Variants in FER observed in about 807,000 individuals in gnomAD.
FER encodes FER tyrosine kinase.
Under a neutral mutation model 111.0 loss-of-function variants are expected in FER, and 63 were observed. The observed-to-expected ratio is 0.57, with a 90% CI of 0.46 to 0.70. The LOEUF is 0.70. Ranked by LOEUF, FER falls within the 30% of genes least tolerant of loss-of-function variation. The pLI is 0.00. For missense variants in FER, 914 were observed against 954.0 expected (o/e 0.96, Z 0.55); for synonymous variants, 327 against 313.9 (o/e 1.04, Z -0.44).
At chr5:109,105,951 T>C (rs1748865210) in intron 17 of FER, among the ~76,000 whole-genome samples, 1 of 152,216 alleles carries the variant, frequency 6.6e-6, no homozygotes, top group Non-Finnish European at 1.5e-5. Flanking sequence ...AGCGGTACTA[T>C]TGTTTAAGCC....
At chr5:109,033,312 A>G (rs1334050277) in intron 13 of FER, among the ~76,000 whole-genome samples, 5 of 152,162 alleles carry the variant, frequency 3.3e-5, no homozygotes, top group Admixed American at 6.6e-5. Context: ...AATATGTAGT[A>G]TAATCACTTT....
rs576022511 is a variant in FER, at chr5:108,817,515, A to T, written c.208-15255A>T. On this transcript the variant is annotated intron_variant, in intron 3 of 19. Transcript: ENST00000281092. ...AAAAAGAAAGCAAACAAGTAGTTGG[A>T]GGTGTAGTCTGCAGTGAAAAGCTAT... is the stretch of plus-strand genomic sequence containing the variant. 1.1e-4 allele frequency among the ~76,000 whole-genome samples: 16 copies of T among 152,352 alleles called. No individual in the cohort carries two copies. The South Asian group carries it at 3.3e-3, about 32-fold the overall frequency.
chr5:109,000,754 T>A lies in FER; in HGVS notation c.1657-36668T>A, dbSNP rs1764660535. On this transcript the variant is annotated intron_variant, in intron 13 of 19. Coordinates refer to ENST00000281092, the MANE Select transcript of FER (RefSeq NM_005246.4). ...AAGATCAACAAAATTGATAGACCGC[T>A]AGCAAGACTAATAAAGAAGAAAAGA... Among the ~76,000 whole-genome samples, 5 of 151,564 alleles carry A rather than the reference T, an allele frequency of 3.3e-5. No homozygotes were observed. The South Asian group carries it at 1.0e-3, about 32-fold the overall frequency.
chr5:108,787,291 C>T (rs1754846222), intron 2 of FER, among the ~76,000 whole-genome samples: 2 of 152,168 alleles, frequency 1.3e-5, no homozygotes, highest in Non-Finnish European at 2.9e-5. Context: ...ATCGTCCCCT[C>T]TGGACTTTGG....
intron 5 of FER, among the ~76,000 whole-genome samples, chr5:108,845,007 T>TAC (rs1761773749): frequency 1.4e-4 from 4 of 28,168 alleles, no homozygotes; most frequent in South Asian, 1.2e-3. Flanking sequence ...TATATATATA[T>TAC]ATATATATAT....
intron 11 of FER, among the ~76,000 whole-genome samples, chr5:108,949,539 A>G (rs1220715004): frequency 6.6e-6 from 1 of 152,074 alleles, no homozygotes; most frequent in Admixed American, 6.6e-5. Flanking sequence ...ACTTATTGAG[A>G]TTGATATTCC....
intron 3 of FER, among the ~76,000 whole-genome samples, chr5:108,801,501 T>C (rs1034398702): frequency 6.6e-6 from 1 of 152,244 alleles, no homozygotes; most frequent in Non-Finnish European, 1.5e-5. Flanking sequence ...TGGATAGTAC[T>C]GAACGTCCAT....
At chr5:108,843,115 T>A (rs572968266) in intron 5 of FER, 1 of 152,376 alleles carries the variant, frequency 6.6e-6, no homozygotes, top group South Asian at 2.1e-4. Flanking sequence ...ATTATTCTTA[T>A]GCCTTTGCAT....
chr5:109,123,220 A>G (rs1318383445), intron 17 of FER, among the ~76,000 whole-genome samples: 12 of 146,174 alleles, frequency 8.2e-5, no homozygotes, highest in Non-Finnish European at 1.6e-4. Context: ...CAGTGGTGCA[A>G]TCTCGGCTCA....
At chr5:108,911,919 C>T (rs1751603074) in intron 10 of FER, among the ~76,000 whole-genome samples, 1 of 152,038 alleles carries the variant, frequency 6.6e-6, no homozygotes, top group South Asian at 2.1e-4. Flanking sequence ...CCCACAATTC[C>T]CACGTGTTGT....
At chr5:109,134,835 C>G (rs1752722325) in intron 17 of FER, among the ~76,000 whole-genome samples, 2 of 152,184 alleles carry the variant, frequency 1.3e-5, no homozygotes, top group South Asian at 4.1e-4. Flanking sequence ...GAATGATTCA[C>G]TCTGCCTAGG....
intron 5 of FER, among the ~76,000 whole-genome samples, chr5:108,836,156 A>G (rs1174970162): frequency 6.6e-6 from 1 of 152,094 alleles, no homozygotes; most frequent in Non-Finnish European, 1.5e-5. Context: ...GAAACTTTTA[A>G]AATCTTCTTT....
At chr5:108,970,382 A>G (rs1397035990) in intron 13 of FER, among the ~76,000 whole-genome samples, 2 of 147,938 alleles carry the variant, frequency 1.4e-5, no homozygotes, top group African/African-American at 5.0e-5. Context: ...TGCCTGGCTA[A>G]TTTTTTTTTT....
chr5:108,874,976 G>A lies in FER; in HGVS notation c.923+2764G>A, dbSNP rs1048179358. The stretch of plus-strand genomic sequence containing the variant: ...GTGTATAATTTGGCAAATTATATTT[G>A]TGAAACTGGACAGATAACTTATCCC... On this transcript the variant is annotated intron_variant, in intron 8 of 19. Transcript: ENST00000281092. Among the ~76,000 whole-genome samples the A allele has an allele frequency of 4.0e-5, 6 of 151,688 alleles. No homozygotes were observed. In the East Asian group the frequency reaches 9.6e-4, roughly 24 times the overall value.
Position 108,954,767 on chromosome 5 carries a change from A to C in FER, c.1368A>C (p.Ala456=). ...TCTCCATCAGTGAGAAGCCTTTGGC[A>C]GAACAGGACTGGTACCATGGTGCAA... ...DMISISEKPL[A]EQDWYHGAIP... is the part of the protein sequence containing the mutation. Residue 456 remains alanine, a synonymous_variant, in exon 12 of 20, where the codon GCA becomes GCC. Transcript: ENST00000281092. 1 of 1,608,566 alleles carries C rather than the reference A, an allele frequency of 6.2e-7. No homozygotes were observed. Among genetic ancestry groups the C allele is most frequent in the South Asian group, 1.1e-5 (1 of 90,196 alleles).
intron 17 of FER, among the ~76,000 whole-genome samples, chr5:109,125,157 A>C (rs7701332): frequency 0.041 from 6,211 of 152,142 alleles, 154 homozygotes; most frequent in Middle Eastern, 0.11. Context: ...TCAAGATTCT[A>C]ATACCCCATG....
rs796732170 is a variant in FER, at chr5:108,967,739, G to A, written c.1656+8392G>A. On this transcript the variant is annotated intron_variant, in intron 13 of 19. Transcript: ENST00000281092. ...TGTGCCACTGCACTCTGGCCTGGGCGACAAAGCGAGACTCCGTCTCAAAAA... is the reference window on the plus strand; with the variant it reads ...TGTGCCACTGCACTCTGGCCTGGGCAACAAAGCGAGACTCCGTCTCAAAAA... Among the ~76,000 whole-genome samples the A allele has an allele frequency of 6.2e-5, 7 of 112,020 alleles. No individual in the cohort carries two copies. In the South Asian group the frequency reaches 2.1e-3, roughly 34 times the overall value. 73.5% of individuals were successfully genotyped at this position (112,020 alleles called of 152,430 possible).
At chr5:108,801,029 A>C (rs1456642408) in intron 3 of FER, among the ~76,000 whole-genome samples, 2 of 152,222 alleles carry the variant, frequency 1.3e-5, no homozygotes, top group Non-Finnish European at 2.9e-5. Flanking sequence ...CCTGGGCGAC[A>C]GAGCAAGACT....
intron 18 of FER, among the ~76,000 whole-genome samples, chr5:109,182,017 G>A (rs4504430): frequency 0.029 from 4,387 of 152,224 alleles, 233 homozygotes; most frequent in African/African-American, 0.1. Flanking sequence ...GATATCTTGT[G>A]TCTGGCTTAT....
Sources: gnomAD v4.1 joint callset for allele counts (sites outside exome capture counted in the v4.1 genomes callset) on GRCh38, gnomAD v4.1.1 for gene constraint, MANE v1.5 for transcripts, NCBI Gene and HGNC (gene_info 2026-07-23, HGNC 2026-07-21) for gene names.